The following TNRC18 variants were observed in gnomAD, a reference collection of about 807,000 sequenced individuals.
TNRC18 encodes the protein trinucleotide repeat-containing gene 18 protein.
In TNRC18, 69 loss-of-function variants were observed where a neutral mutation model predicts 226.7. The observed-to-expected ratio is 0.30, with a 90% CI of 0.25 to 0.37. TNRC18 has a LOEUF of 0.37. Among genes scored for constraint, TNRC18 ranks in the 10% least tolerant of loss-of-function variants. TNRC18 has a pLI of 1.00. For synonymous variants in TNRC18, 2,449 were observed against 1,927.6 expected (o/e 1.27, Z -7.09); for missense variants, 4,754 against 4,256.6 (o/e 1.12, Z -3.25).
intron 2 of TNRC18, among the ~76,000 whole-genome samples, chr7:5,411,455 T>C (rs1056205227): frequency 6.8e-6 from 1 of 146,890 alleles, no homozygotes; most frequent in African/African-American, 2.5e-5. Flanking sequence ...GAGGCAGAGG[T>C]TGCAGTGAGC....
At chr7:5,376,430 G>T (rs1443562079) in intron 8 of TNRC18, among the ~76,000 whole-genome samples, 1 of 152,142 alleles carries the variant, frequency 6.6e-6, no homozygotes, top group African/African-American at 2.4e-5. Context: ...GGGGAACACA[G>T]CCCTGTCCAC....
chr7:5,351,029 A>G (rs1791747715), intron 17 of TNRC18, among the ~76,000 whole-genome samples: 1 of 152,190 alleles, frequency 6.6e-6, no homozygotes, highest in Non-Finnish European at 1.5e-5. Context: ...TAAGAAAATA[A>G]AAGACAAAAC....
intron 24 of TNRC18, 79 bp downstream of exon 24, chr7:5,320,239 A>AC: frequency 1.8e-6 from 2 of 1,097,810 alleles, no homozygotes; most frequent in Non-Finnish European, 2.7e-6. Context: ...TAAGCCAGTT[A>AC]GAGTTGGGTT....
chr7:5,353,452 C>T lies in TNRC18; in HGVS notation c.5195-1358G>A, dbSNP rs529184749. Among the ~76,000 whole-genome samples, 21 of 151,222 alleles carry T rather than the reference C, an allele frequency of 1.4e-4. No individual in the cohort carries two copies. In the East Asian group the frequency reaches 3.3e-3, roughly 24 times the overall value. ...ACAGGGCCTGTTATCCCAGCTACTCCGGAGGCTGAGGTGGGAGGATCACTT... is the reference window on the plus strand; with the variant it reads ...ACAGGGCCTGTTATCCCAGCTACTCTGGAGGCTGAGGTGGGAGGATCACTT... On this transcript the variant is annotated intron_variant, in intron 16 of 29. Coordinates refer to ENST00000430969, the MANE Select transcript of TNRC18 (RefSeq NM_001080495.3).
Position 5,313,355 on chromosome 7 carries a change from C to G in TNRC18, c.7536G>C (p.Glu2512Asp), listed in dbSNP as rs1195901536. ...GSYPPAAGSS[E>D]PKAPWPKATD... ...TGGCCTTGGGCCAGGGTGCCTTGGG[C>G]TCGCTGCTGCCGGCCGCGGGGGGAT... The change falls in exon 27 of 30, where the codon GAG becomes GAC. Residue 2512 changes from glutamate to aspartate, a missense_variant. Transcript: ENST00000430969. The G allele has an allele frequency of 6.4e-7, 1 of 1,563,696 alleles. No individual in the cohort carries two copies. Among genetic ancestry groups the G allele is most frequent in the African/African-American group, 1.4e-5 (1 of 73,618 alleles).
intron 13 of TNRC18, 67 bp from the exon 14 acceptor site, chr7:5,361,789 G>A (rs984174074): frequency 7.4e-5 from 114 of 1,536,912 alleles, no homozygotes; most frequent in East Asian, 9.8e-5. Context: ...ACGGGCACAC[G>A]ATGCACACAC....
intron 3 of TNRC18, among the ~76,000 whole-genome samples, chr7:5,393,209 T>C (rs1780425317): frequency 1.3e-5 from 2 of 152,130 alleles, no homozygotes; most frequent in African/African-American, 4.8e-5. Context: ...GCTCTCCTCA[T>C]CCAGACCCTC....
At chr7:5,408,230 C>T (rs939315176) in intron 2 of TNRC18, among the ~76,000 whole-genome samples, 14 of 146,878 alleles carry the variant, frequency 9.5e-5, no homozygotes, top group African/African-American at 1.3e-4. Flanking sequence ...ACCCGGGAAG[C>T]GGAGGTTGCA....
intron 18 of TNRC18, among the ~76,000 whole-genome samples, chr7:5,340,506 G>A (rs1390589880): frequency 1.3e-5 from 2 of 152,182 alleles, no homozygotes; most frequent in African/African-American, 2.4e-5. Flanking sequence ...GGAGGCCGAG[G>A]CGAGAGGATC....
At chr7:5,422,495 G>A (rs2128226937) in intron 1 of TNRC18, among the ~76,000 whole-genome samples, 1 of 152,306 alleles carries the variant, frequency 6.6e-6, no homozygotes, top group Admixed American at 6.5e-5. Flanking sequence ...GGATGGGAGG[G>A]GGTCTTGGAG....
At position 5,377,329 on chromosome 7, in the gene TNRC18, C is replaced by A; in HGVS notation, c.2461+42G>T. On this transcript the variant is annotated intron_variant, in intron 7 of 29. Coordinates refer to ENST00000430969, the MANE Select transcript of TNRC18 (RefSeq NM_001080495.3). This position sits in a 1 kb window ranked among gnomAD's most constrained non-coding sequence, Gnocchi z 5.8. ...TGTCCTGCACCCGCCCCCTCCCACC[C>A]CTCCCTCAGAGAAGGGGAGAGACCC... 8.2e-7 allele frequency: 1 copy of A among 1,220,694 alleles called. No individual in the cohort carries two copies. The highest frequency in any genetic ancestry group is 1.5e-5 in the South Asian group (1 of 68,780). 75.6% of individuals were successfully genotyped at this position (1,220,694 alleles called of 1,614,324 possible). A position where few individuals can be genotyped will look rare whatever the true frequency, so the allele number is the denominator to read the frequency against.
chr7:5,316,946 G>A (rs1382497913), intron 24 of TNRC18, among the ~76,000 whole-genome samples: 1 of 152,104 alleles, frequency 6.6e-6, no homozygotes, highest in Non-Finnish European at 1.5e-5. Context: ...CCAGCTGGCA[G>A]GAGCTGGGAG....
intron 16 of TNRC18, among the ~76,000 whole-genome samples, chr7:5,353,963 G>C (rs577892244): frequency 4.7e-4 from 72 of 152,182 alleles, no homozygotes; most frequent in Non-Finnish European, 8.8e-5. Flanking sequence ...AGCACTTTGG[G>C]AGGCCGAGGC....
chr7:5,422,462 T>A (rs975692950), intron 1 of TNRC18, among the ~76,000 whole-genome samples: 2 of 152,100 alleles, frequency 1.3e-5, no homozygotes, highest in African/African-American at 4.8e-5. Flanking sequence ...TTTAAAAGAT[T>A]TGTCCTTTGC....
At chr7:5,326,096 A>T (rs1478164458) in intron 19 of TNRC18, among the ~76,000 whole-genome samples, 2 of 152,064 alleles carry the variant, frequency 1.3e-5, no homozygotes, top group South Asian at 4.1e-4. Context: ...TGAAGTGTAT[A>T]TATGTTGCAA....
rs771347914 is a variant in TNRC18 at position 5,308,331 on chromosome 7, A to T, written c.8701-19T>A. 6.3e-7 allele frequency: 1 copy of T among 1,597,088 alleles called. No individual in the cohort carries two copies. Among genetic ancestry groups the T allele is most frequent in the East Asian group, 2.3e-5 (1 of 43,354 alleles). On this transcript the variant is annotated intron_variant, in intron 29 of 29. Coordinates refer to ENST00000430969, the MANE Select transcript of TNRC18 (RefSeq NM_001080495.3). ...GCGCGCGCTGCGGGCACGCGGGGAT[A>T]TCAGGATGGCAGGTGGGGGGCACAG...
At chr7:5,348,244 C>A (rs1791410301) in intron 17 of TNRC18, among the ~76,000 whole-genome samples, 1 of 152,208 alleles carries the variant, frequency 6.6e-6, no homozygotes, top group Non-Finnish European at 1.5e-5. Flanking sequence ...CCCTGAGATG[C>A]AACATCCAAA....
intron 8 of TNRC18, 32 bp from the exon 9 acceptor site, chr7:5,376,256 C>CG: frequency 2.8e-6 from 4 of 1,426,432 alleles, no homozygotes; most frequent in Non-Finnish European, 3.7e-6. Flanking sequence ...GCTGCACCTG[C>CG]GGCCTGATGC....
At chr7:5,336,136 G>T (rs1359824735) in intron 18 of TNRC18, among the ~76,000 whole-genome samples, 3 of 151,848 alleles carry the variant, frequency 2.0e-5, no homozygotes, top group African/African-American at 7.3e-5. Context: ...GAGCCCAGGA[G>T]GCGGAGGTTG....
Sources: allele counts gnomAD v4.1 joint callset (sites outside exome capture counted in the v4.1 genomes callset), GRCh38; gene constraint gnomAD v4.1.1; non-coding constraint Gnocchi (gnomAD v3.1); transcripts MANE v1.5; gene names NCBI Gene and HGNC (gene_info 2026-07-23, HGNC 2026-07-21).